SPHKAP: variants seen among roughly 807,000 people sequenced by gnomAD.
SPHKAP encodes the protein SPHK1 interactor, AKAP domain containing, also known as A-kinase anchor protein SPHKAP.
SPHKAP carries 67 observed loss-of-function variants against 137.5 expected under a neutral mutation model. The ratio of observed to expected loss-of-function variants is 0.49; its 90% confidence interval spans 0.40 to 0.60. The LOEUF (loss-of-function observed/expected upper bound fraction) is 0.60. Among genes scored for constraint, SPHKAP ranks in the 20% least tolerant of loss-of-function variants. The pLI is 0.00. For missense variants in SPHKAP, 2,097 were observed against 2,069.3 expected, an observed-to-expected ratio of 1.01 and a Z score of -0.26; for synonymous variants, 813 against 785.3, an observed-to-expected ratio of 1.04 and a Z score of -0.59.
intron 3 of SPHKAP, among the ~76,000 whole-genome samples, chr2:228,034,619 C>A (rs1206271109): frequency 6.6e-6 from 1 of 152,032 alleles, no homozygotes; most frequent in Non-Finnish European, 1.5e-5. Flanking sequence ...AACATTGATG[C>A]AAAAATCCTC....
rs1416208025 is a variant in SPHKAP, at chr2:228,019,716, G to A, written c.1138C>T (p.Pro380Ser). 5 of 1,614,074 alleles carry A rather than the reference G, an allele frequency of 3.1e-6. No individual in the cohort carries two copies. In the African/African-American group the frequency reaches 5.3e-5, roughly 17 times the overall value. Residue 380 changes from proline to serine, a missense_variant, in exon 7 of 12, where the codon CCT becomes TCT. Transcript: ENST00000392056. ...GTGGTGACTTCTCCATCTTGTCTAGGAGGGAGAGCGTTTCTTGTGTCTTCA... is the reference window on the plus strand; with the variant it reads ...GTGGTGACTTCTCCATCTTGTCTAGAAGGGAGAGCGTTTCTTGTGTCTTCA... Reference protein sequence around the residue: ...DHEDTRNALPPRQDGEVTTGK... With the variant: ...DHEDTRNALPSRQDGEVTTGK...
chr2:228,084,711 G>A (rs1189843765), intron 3 of SPHKAP, among the ~76,000 whole-genome samples: 1 of 152,134 alleles, frequency 6.6e-6, no homozygotes, highest in Non-Finnish European at 1.5e-5. Flanking sequence ...TTGTTTCCAG[G>A]CACATGAACA....
rs74889565 is a variant in SPHKAP at position 228,181,245 on chromosome 2, G to A, written c.32+322C>T. Among the ~76,000 whole-genome samples, 1,586 of 152,256 alleles carry A rather than the reference G, an allele frequency of 0.01. 38 individuals carry two copies. The highest frequency in any genetic ancestry group is 0.037 in the African/African-American group (1,525 of 41,546). On this transcript the variant is annotated intron_variant, in intron 1 of 11. Coordinates refer to ENST00000392056, the MANE Select transcript of SPHKAP (RefSeq NM_001142644.2). This position sits in a 1 kb window ranked among gnomAD's most constrained non-coding sequence, Gnocchi z 4.3. ...TGAAACCTCTCCAAGCTGTGTCCGCGGAAAGTCCGGCTCCTGGCTCCACCT... is the reference window on the plus strand; with the variant it reads ...TGAAACCTCTCCAAGCTGTGTCCGCAGAAAGTCCGGCTCCTGGCTCCACCT...
intron 3 of SPHKAP, among the ~76,000 whole-genome samples, chr2:228,093,614 C>T (rs1380299201): frequency 6.6e-6 from 1 of 151,708 alleles, no homozygotes; most frequent in African/African-American, 2.4e-5. Context: ...AATCACAGCA[C>T]TTTGGGAGGC....
At chr2:227,993,912 G>C (rs1693522229) in intron 8 of SPHKAP, 2 of 339,910 alleles carry the variant, frequency 5.9e-6, no homozygotes, top group Non-Finnish European at 8.3e-6. Flanking sequence ...TCACACCTAG[G>C]GGGTAACAAT....
chr2:228,031,767 C>A (rs1041098009), intron 3 of SPHKAP, among the ~76,000 whole-genome samples: 1 of 152,342 alleles, frequency 6.6e-6, no homozygotes, highest in African/African-American at 2.4e-5. Flanking sequence ...GATACCAAGA[C>A]AAACATGGTC....
At chr2:228,150,965 G>A (rs1388376854) in intron 1 of SPHKAP, among the ~76,000 whole-genome samples, 1 of 151,258 alleles carries the variant, frequency 6.6e-6, no homozygotes, top group East Asian at 1.9e-4. Context: ...TAAGTTTTAG[G>A]GTACATGTGC....
At position 228,017,860 on chromosome 2, in the gene SPHKAP, G is replaced by C; in HGVS notation, c.2994C>G (p.Pro998=). 6.2e-7 allele frequency: 1 copy of C among 1,613,994 alleles called. No individual in the cohort carries two copies. Among genetic ancestry groups the C allele is most frequent in the Non-Finnish European group, 8.5e-7 (1 of 1,180,000 alleles). ...TCTTCCTCTTGATCTCACTGAGCCG[G>C]GGAGGCTTGTGTTTCCTCACAGCGG... is the stretch of plus-strand genomic sequence containing the variant. The part of the protein sequence containing the change: ...SGTAVRKHKP[P]RLSEIKRKTD... The change falls in exon 7 of 12, where the codon CCC becomes CCG. Residue 998 remains proline (P), a synonymous_variant. Transcript: ENST00000392056.
intron 1 of SPHKAP, among the ~76,000 whole-genome samples, chr2:228,157,243 C>G (rs4513278): frequency 0.16 from 24,809 of 152,110 alleles, 2,448 homozygotes; most frequent in Middle Eastern, 0.22. Context: ...CATTAATAAA[C>G]ACATTCAGAG....
At chr2:228,127,064 T>C (rs1156967040) in intron 2 of SPHKAP, among the ~76,000 whole-genome samples, 1 of 152,160 alleles carries the variant, frequency 6.6e-6, no homozygotes, top group Non-Finnish European at 1.5e-5. Context: ...TTACATGAAA[T>C]GAGTTTGGGG....
intron 1 of SPHKAP, among the ~76,000 whole-genome samples, chr2:228,164,116 C>T (rs533310958): frequency 6.6e-6 from 1 of 152,292 alleles, no homozygotes; most frequent in Admixed American, 6.5e-5. Flanking sequence ...CTTGCTGAGT[C>T]TTCTGGTTTC....
intron 3 of SPHKAP, among the ~76,000 whole-genome samples, chr2:228,032,999 T>C (rs994613310): frequency 1.3e-5 from 2 of 152,266 alleles, no homozygotes; most frequent in Admixed American, 1.3e-4. Flanking sequence ...GCTAACATCA[T>C]GATGACAGGA....
At chr2:228,123,989 A>T (rs1232828444) in intron 2 of SPHKAP, among the ~76,000 whole-genome samples, 1 of 152,074 alleles carries the variant, frequency 6.6e-6, no homozygotes, top group African/African-American at 2.4e-5. Context: ...AAAAATGCTC[A>T]TCATCACTGG....
chr2:227,982,212 G>A, intron 11 of SPHKAP: 2 of 985,188 alleles, frequency 2.0e-6, no homozygotes, highest in Non-Finnish European at 2.4e-6. Context: ...ATAGGATTGT[G>A]TATTACAGCT....
rs141844979 is a variant in SPHKAP, at chr2:227,988,562, C to T, written c.4959+2438G>A. 3.3e-3 allele frequency among the ~76,000 whole-genome samples: 500 copies of T among 152,302 alleles called. 2 individuals are homozygous for T. The highest frequency in any genetic ancestry group is 0.012 in the African/African-American group (485 of 41,574). On this transcript the variant is annotated intron_variant, in intron 11 of 11. Coordinates refer to ENST00000392056, the MANE Select transcript of SPHKAP (RefSeq NM_001142644.2). ...TGGGGATTTATGAGACATATATTCACATAACATTGTTTCTTCAAGAAGATA... is the reference window on the plus strand; with the variant it reads ...TGGGGATTTATGAGACATATATTCATATAACATTGTTTCTTCAAGAAGATA...
rs956751281 is a variant in SPHKAP, at chr2:228,019,923, C to G, written c.931G>C (p.Glu311Gln). The G allele has an allele frequency of 1.2e-6, 2 of 1,614,136 alleles. No homozygotes were observed. Among genetic ancestry groups the G allele is most frequent in the Non-Finnish European group, 1.7e-6 (2 of 1,180,048 alleles). The change falls in exon 7 of 12, where the codon GAA (glutamate) becomes CAA (glutamine). Residue 311 changes from glutamate to glutamine, a missense_variant. Physicochemically the swap from Glu to Gln is conservative, Grantham distance 29. Transcript: ENST00000392056. The part of the protein sequence containing the change: ...PSAKPSQWKR[E>Q]AVGNGRQATH... ...GCTTGTCTCCCATTCCCCACAGCTT[C>G]TCTTTTCCACTGTGATGGCTTGGCT...
At chr2:228,135,311 C>T (rs576425026) in intron 1 of SPHKAP, among the ~76,000 whole-genome samples, 35 of 144,366 alleles carry the variant, frequency 2.4e-4, no homozygotes, top group African/African-American at 8.6e-4. Flanking sequence ...AGCACTTCAA[C>T]AGCCTCTGGT....
chr2:228,105,736 A>G (rs568991442), intron 3 of SPHKAP, among the ~76,000 whole-genome samples: 59 of 152,070 alleles, frequency 3.9e-4, no homozygotes, highest in East Asian at 2.9e-3. Flanking sequence ...TTTATAAGGG[A>G]TTTCCCCTTT....
At chr2:227,996,340 G>A (rs1693639550) in intron 7 of SPHKAP, among the ~76,000 whole-genome samples, 1 of 152,170 alleles carries the variant, frequency 6.6e-6, no homozygotes, top group Non-Finnish European at 1.5e-5. Flanking sequence ...AGACCAAGGA[G>A]CTCTCCAGAG....
Sources: allele counts gnomAD v4.1 joint callset (sites outside exome capture counted in the v4.1 genomes callset), GRCh38; gene constraint gnomAD v4.1.1; non-coding constraint Gnocchi (gnomAD v3.1); transcripts MANE v1.5; gene names NCBI Gene and HGNC (gene_info 2026-07-23, HGNC 2026-07-21).